The following TRPC4 variants were observed in gnomAD, a reference collection of about 807,000 sequenced individuals.
TRPC4 encodes the protein transient receptor potential cation channel subfamily C member 4.
A neutral mutation model predicts 99.4 loss-of-function variants in TRPC4; 49 were observed. The ratio of observed to expected loss-of-function variants is 0.49; its 90% CI spans 0.39 to 0.63. The LOEUF is 0.63. Ranked by LOEUF, TRPC4 falls within the 20% of genes least tolerant of loss-of-function variation. The pLI is 0.00. For synonymous variants in TRPC4, 454 were observed against 425.9 expected (o/e 1.07, Z -0.81); for missense variants, 898 against 1,152.9 (o/e 0.78, Z 3.20).
chr13:37,763,256 T>C (rs1188711610), intron 2 of TRPC4, among the ~76,000 whole-genome samples: 2 of 151,142 alleles, frequency 1.3e-5, no homozygotes, highest in South Asian at 2.1e-4. Context: ...ATTGAGAAAA[T>C]AGATGGTAAA....
chr13:37,696,634 AAG>A (rs1410862883), intron 3 of TRPC4, among the ~76,000 whole-genome samples: 2 of 152,156 alleles, frequency 1.3e-5, no homozygotes, highest in Non-Finnish European at 2.9e-5. Context: ...GGTGATTATA[AAG>A]AGAGTTGAAA....
rs550387563 is a variant in TRPC4 at position 37,827,466 on chromosome 13, C to T, written c.-28+42129G>A. On this transcript the variant is annotated intron_variant, in intron 1 of 10. Coordinates refer to ENST00000379705, the MANE Select transcript of TRPC4 (RefSeq NM_016179.4). The stretch of plus-strand genomic sequence containing the variant: ...TGGGTTTTTGGTGTGGGTGTCCTTT[C>T]TGTTTGTTAGTTTTCCTTCTAACAG... 3.3e-5 allele frequency among the ~76,000 whole-genome samples: 5 copies of T among 152,276 alleles called. 1 individual carries two copies. The South Asian group carries it at 1.0e-3, about 32-fold the overall frequency.
intron 1 of TRPC4, among the ~76,000 whole-genome samples, chr13:37,850,922 A>C (rs1959037275): frequency 1.3e-5 from 2 of 152,186 alleles, no homozygotes; most frequent in Admixed American, 6.5e-5. Flanking sequence ...AAAGGCATAC[A>C]GATAAAAGTA....
chr13:37,639,987 GT>G (rs1951666531), intron 8 of TRPC4, among the ~76,000 whole-genome samples: 1 of 151,742 alleles, frequency 6.6e-6, no homozygotes, highest in South Asian at 2.1e-4. Flanking sequence ...GAGATGGATT[GT>G]TTAATGATTG....
intron 3 of TRPC4, among the ~76,000 whole-genome samples, chr13:37,703,461 G>GGGAGAAT (rs1954168694): frequency 6.6e-6 from 1 of 151,882 alleles, no homozygotes. Context: ...CCCTGACCAA[G>GGGAGAAT]TATAATTAAC....
chr13:37,765,042 T>C (rs1162069789), intron 2 of TRPC4, among the ~76,000 whole-genome samples: 2 of 151,370 alleles, frequency 1.3e-5, no homozygotes, highest in East Asian at 3.9e-4. Flanking sequence ...TGAAATAGTA[T>C]GTTCCTTGAA....
chr13:37,853,045 C>A (rs2139683991), intron 1 of TRPC4, among the ~76,000 whole-genome samples: 1 of 151,900 alleles, frequency 6.6e-6, no homozygotes, highest in East Asian at 1.9e-4. Flanking sequence ...ATCTCACTGC[C>A]CTGGGGAAAA....
chr13:37,705,693 T>C (rs1266230413), intron 3 of TRPC4, among the ~76,000 whole-genome samples: 1 of 152,120 alleles, frequency 6.6e-6, no homozygotes, highest in Non-Finnish European at 1.5e-5. Context: ...GCTGAGATGG[T>C]AGGCCTTCCA....
chr13:37,791,494 T>C (rs562498853), intron 1 of TRPC4, among the ~76,000 whole-genome samples: 4 of 151,938 alleles, frequency 2.6e-5, no homozygotes, highest in Admixed American at 2.6e-4. Flanking sequence ...GAAATATACA[T>C]GGTGCTCAGG....
chr13:37,804,828 G>T (rs1025213512), intron 1 of TRPC4, among the ~76,000 whole-genome samples: 3 of 151,834 alleles, frequency 2.0e-5, no homozygotes, highest in Admixed American at 6.6e-5. Flanking sequence ...GAAAGATTGG[G>T]GAGTAATATG....
chr13:37,867,920 A>G (rs1250601252), intron 1 of TRPC4, among the ~76,000 whole-genome samples: 1 of 152,176 alleles, frequency 6.6e-6, no homozygotes, highest in Non-Finnish European at 1.5e-5. Context: ...AGCATAAGTT[A>G]GAAAGTTAGT....
rs112868442 is a variant in TRPC4 at position 37,649,758 on chromosome 13, A to C, written c.2079+1507T>G. On this transcript the variant is annotated intron_variant, in intron 8 of 10. Coordinates refer to ENST00000379705, the MANE Select transcript of TRPC4 (RefSeq NM_016179.4). Reference sequence around the variant, plus strand: ...AAAAAAAAAAAAAAAAAAAAAAAAAAAACAACAACAAAGAACTAAGCTATT... The same window carrying C: ...AAAAAAAAAAAAAAAAAAAAAAAAACAACAACAACAAAGAACTAAGCTATT... Among the ~76,000 whole-genome samples the C allele has an allele frequency of 1.7e-3, 185 of 111,750 alleles. 6 individuals are homozygous for C. Among genetic ancestry groups the C allele is most frequent in the African/African-American group, 1.7e-3 (54 of 32,190 alleles). 73.3% of individuals were successfully genotyped at this position (111,750 alleles called of 152,430 possible).
rs559321267 is a variant in TRPC4, at chr13:37,730,114, C to T, written c.897+15823G>A. 2.0e-4 allele frequency among the ~76,000 whole-genome samples: 30 copies of T among 152,098 alleles called. No individual in the cohort carries two copies. In the South Asian group the frequency reaches 6.0e-3, roughly 30 times the overall value. ...AATCCCCTGTGACTATTCAGGTTTC[C>T]AGCGAAAACATTAAAGTGAGAAAGG... is the stretch of plus-strand genomic sequence containing the variant. On this transcript the variant is annotated intron_variant, in intron 3 of 10. Coordinates refer to ENST00000379705, the MANE Select transcript of TRPC4 (RefSeq NM_016179.4).
intron 1 of TRPC4, among the ~76,000 whole-genome samples, chr13:37,828,376 G>A (rs542902134): frequency 6.6e-5 from 10 of 152,256 alleles, no homozygotes; most frequent in East Asian, 5.8e-4. Flanking sequence ...ATGCTTATAC[G>A]GTGTTGTTTG....
intron 4 of TRPC4, among the ~76,000 whole-genome samples, chr13:37,677,872 T>C (rs1953113210): frequency 6.6e-6 from 1 of 152,120 alleles, no homozygotes; most frequent in Non-Finnish European, 1.5e-5. Flanking sequence ...GGCCATAGTG[T>C]GGACCATGAA....
intron 1 of TRPC4, among the ~76,000 whole-genome samples, chr13:37,833,000 T>C (rs1566207811): frequency 6.6e-6 from 1 of 152,186 alleles, no homozygotes; most frequent in East Asian, 1.9e-4. Context: ...ATAATTTCTC[T>C]CTTTTCCTGG....
chr13:37,637,115 A>C lies in TRPC4; in HGVS notation c.2722T>G (p.Leu908Val). 6.2e-7 allele frequency: 1 copy of C among 1,613,776 alleles called. No individual in the cohort carries two copies. Among genetic ancestry groups the C allele is most frequent in the Non-Finnish European group, 8.5e-7 (1 of 1,179,810 alleles). The change falls in exon 11 of 11, where the codon TTA (leucine) becomes GTA (valine). Residue 908 changes from leucine to valine, a missense_variant. Around this residue, in one of 3 missense-constraint regions of TRPC4, gnomAD observed 346 missense variants for 351.4 expected, o/e 0.98. Transcript: ENST00000379705. ...GTATTCCTTTCTCTATGGTCTACTA[A>C]CACACATTGTTCACTGAGACCGGGA... is the stretch of plus-strand genomic sequence containing the variant. ...SIPGLSEQCV[L>V]VDHRERNTDT...
chr13:37,858,228 C>T (rs948153755), intron 1 of TRPC4, among the ~76,000 whole-genome samples: 9 of 151,622 alleles, frequency 5.9e-5, no homozygotes, highest in Admixed American at 5.3e-4. Flanking sequence ...TCTCCTCACC[C>T]CAGTTAAAAT....
chr13:37,780,246 A>G (rs958962851), intron 2 of TRPC4, among the ~76,000 whole-genome samples: 2 of 152,152 alleles, frequency 1.3e-5, no homozygotes, highest in Non-Finnish European at 2.9e-5. Flanking sequence ...CTGAAAGAGT[A>G]TATTTTGAAT....
Sources: allele counts gnomAD v4.1 joint callset (sites outside exome capture counted in the v4.1 genomes callset), GRCh38; gene constraint gnomAD v4.1.1; regional missense constraint gnomAD v4.1.1; transcripts MANE v1.5; gene names NCBI Gene and HGNC (gene_info 2026-07-23, HGNC 2026-07-21).